The following PRKN variants were observed in gnomAD, a reference collection of about 807,000 sequenced individuals.
PRKN encodes parkin RBR E3 ubiquitin protein ligase, also known as E3 ubiquitin-protein ligase parkin.
A neutral mutation model predicts 59.5 loss-of-function variants in PRKN; 56 were observed. The ratio of observed to expected loss-of-function variants is 0.94; its 90% confidence interval spans 0.76 to 1.18. The LOEUF is 1.18. Ranked by LOEUF, PRKN falls within the 50% of genes most tolerant of loss-of-function variation. PRKN has a pLI of 0.00. For synonymous variants in PRKN, 250 were observed against 222.1 expected (o/e 1.13, Z -1.12); for missense variants, 657 against 596.4 (o/e 1.10, Z -1.06).
chr6:162,634,627 T>C (rs913370900), intron 1 of PRKN, among the ~76,000 whole-genome samples: 18 of 152,208 alleles, frequency 1.2e-4, no homozygotes, highest in African/African-American at 4.3e-4. Flanking sequence ...TTTGCTGTTG[T>C]TGCTGTTATT....
At chr6:161,880,389 A>G (rs1271301024) in intron 6 of PRKN, among the ~76,000 whole-genome samples, 1 of 152,190 alleles carries the variant, frequency 6.6e-6, no homozygotes, top group Non-Finnish European at 1.5e-5. Flanking sequence ...TGGCACTGAG[A>G]GATATGATCA....
chr6:162,645,252 A>G (rs140780039), intron 1 of PRKN, among the ~76,000 whole-genome samples: 88 of 152,306 alleles, frequency 5.8e-4, no homozygotes, highest in Middle Eastern at 6.8e-3. Context: ...TACATAAAAT[A>G]TCAAAAAAAA....
chr6:161,441,404 G>A (rs1789214450), intron 9 of PRKN, among the ~76,000 whole-genome samples: 1 of 152,106 alleles, frequency 6.6e-6, no homozygotes, highest in African/African-American at 2.4e-5. Flanking sequence ...CAGCACTTTG[G>A]GAGGCCAAGG....
intron 6 of PRKN, among the ~76,000 whole-genome samples, chr6:161,941,303 G>A (rs1305838376): frequency 6.6e-5 from 10 of 152,214 alleles, no homozygotes; most frequent in East Asian, 1.9e-4. Context: ...GGAACACACC[G>A]GGGGCTGGAT....
chr6:162,045,849 C>A (rs901877903), intron 5 of PRKN, among the ~76,000 whole-genome samples: 1 of 152,164 alleles, frequency 6.6e-6, no homozygotes, highest in African/African-American at 2.4e-5. Context: ...CCATTAGGCT[C>A]CTGTGTATCT....
intron 1 of PRKN, among the ~76,000 whole-genome samples, chr6:162,497,006 C>T (rs1220133349): frequency 1.3e-5 from 2 of 152,140 alleles, no homozygotes; most frequent in African/African-American, 2.4e-5. Context: ...CTTATAAATA[C>T]ATATTTTTAT....
At chr6:162,325,126 A>G (rs1783207771) in intron 2 of PRKN, among the ~76,000 whole-genome samples, 2 of 81,094 alleles carry the variant, frequency 2.5e-5, no homozygotes, top group Admixed American at 2.6e-4. Flanking sequence ...AATGTTTTCA[A>G]CAACTTTATT....
chr6:162,034,830 G>T (rs1043709593), intron 5 of PRKN, among the ~76,000 whole-genome samples: 1 of 152,064 alleles, frequency 6.6e-6, no homozygotes, highest in East Asian at 1.9e-4. Flanking sequence ...CTTTTATCAC[G>T]GAATTATGAT....
chr6:161,656,315 T>C (rs6935513), intron 7 of PRKN, among the ~76,000 whole-genome samples: 75,801 of 152,028 alleles, frequency 0.5, 20,773 homozygotes, highest in African/African-American at 0.74. Context: ...CTCTCACACT[T>C]CTGTTCCTCC....
chr6:161,568,470 G>A (rs1483634308), intron 8 of PRKN, among the ~76,000 whole-genome samples: 1 of 152,196 alleles, frequency 6.6e-6, no homozygotes, highest in Non-Finnish European at 1.5e-5. Context: ...GCGGGCGCCT[G>A]TAGTCCCAGC....
intron 1 of PRKN, among the ~76,000 whole-genome samples, chr6:162,695,938 G>A (rs1033097122): frequency 6.6e-6 from 1 of 152,126 alleles, no homozygotes; most frequent in African/African-American, 2.4e-5. Flanking sequence ...TCTTGGGGCA[G>A]TTTTCACTTC....
chr6:161,452,243 G>A (rs1321215401), intron 9 of PRKN, among the ~76,000 whole-genome samples: 6 of 152,098 alleles, frequency 3.9e-5, no homozygotes, highest in African/African-American at 9.7e-5. Flanking sequence ...GAGCCACTGC[G>A]CCCGGCCTTA....
chr6:162,381,046 A>G (rs1286039170), intron 2 of PRKN, among the ~76,000 whole-genome samples: 2 of 152,090 alleles, frequency 1.3e-5, no homozygotes, highest in African/African-American at 4.8e-5. Flanking sequence ...TTCCTCTTCC[A>G]GCTATTTCTG....
At chr6:162,413,990 T>C (rs1156692457) in intron 2 of PRKN, among the ~76,000 whole-genome samples, 1 of 152,090 alleles carries the variant, frequency 6.6e-6, no homozygotes, top group African/African-American at 2.4e-5. Context: ...AAGACCAGCC[T>C]GGCCAACATG....
Position 161,377,821 on chromosome 6 carries a change from C to T in PRKN, c.1167+8973G>A, listed in dbSNP as rs1242270932. On this transcript the variant is annotated intron_variant, in intron 10 of 11. Transcript: ENST00000366898. The surrounding 1 kb of genome is among the most constrained non-coding windows in gnomAD (Gnocchi z 4.2). ...ACCATGTGAGGGTATAGCTAGAAGA[C>T]GTCATCTACAAACCAAAAAGTGGTC... Among the ~76,000 whole-genome samples, 3 of 152,146 alleles carry T rather than the reference C, an allele frequency of 2.0e-5. No homozygotes were observed. The highest frequency in any genetic ancestry group is 2.9e-5 in the Non-Finnish European group (2 of 68,020).
chr6:161,644,836 G>A (rs13201589), intron 7 of PRKN, among the ~76,000 whole-genome samples: 34,207 of 152,138 alleles, frequency 0.22, 4,252 homozygotes, highest in Middle Eastern at 0.35. Flanking sequence ...AAGGCTGCCC[G>A]AAATGACTCA....
At chr6:162,500,033 A>C (rs2128187590) in intron 1 of PRKN, among the ~76,000 whole-genome samples, 1 of 152,270 alleles carries the variant, frequency 6.6e-6, no homozygotes, top group East Asian at 1.9e-4. Context: ...ACAATTGGAA[A>C]GCCATCCAAT....
At chr6:161,629,575 A>T (rs1271387180) in intron 7 of PRKN, among the ~76,000 whole-genome samples, 2 of 152,130 alleles carry the variant, frequency 1.3e-5, no homozygotes, top group Non-Finnish European at 2.9e-5. Context: ...GGCACCCTAT[A>T]CATGACTCTG....
At chr6:161,689,268 G>T (rs764437377) in intron 7 of PRKN, among the ~76,000 whole-genome samples, 3 of 151,302 alleles carry the variant, frequency 2.0e-5, no homozygotes, top group Non-Finnish European at 4.4e-5. Flanking sequence ...CTCAAGGCTG[G>T]CCTAAAAGTT....
Sources: gnomAD v4.1 joint callset for allele counts (sites outside exome capture counted in the v4.1 genomes callset) on GRCh38, gnomAD v4.1.1 for gene constraint, Gnocchi (gnomAD v3.1) non-coding constraint, MANE v1.5 for transcripts, NCBI Gene and HGNC (gene_info 2026-07-23, HGNC 2026-07-21) for gene names.